Variants in SEMA3D observed in about 807,000 individuals in gnomAD.
SEMA3D encodes semaphorin 3D.
SEMA3D carries 84 observed loss-of-function variants against 100.1 expected under a neutral mutation model. That is an observed-to-expected ratio of 0.84 (90% confidence interval 0.70 to 1.01). The LOEUF is 1.01. Among genes scored for constraint, SEMA3D ranks in the 50% least tolerant of loss-of-function variants. The pLI, the probability that SEMA3D is intolerant of heterozygous loss-of-function variation, is 0.00. For missense variants in SEMA3D, 875 were observed against 934.1 expected (o/e 0.94, Z 0.82); for synonymous variants, 312 against 320.7 (o/e 0.97, Z 0.29).
At chr7:85,166,759 A>G (rs1790918271) in intron 1 of SEMA3D, among the ~76,000 whole-genome samples, 1 of 151,982 alleles carries the variant, frequency 6.6e-6, no homozygotes, top group South Asian at 2.1e-4. Flanking sequence ...TACTAGCCGT[A>G]TGGTGCTGAT....
rs1044789555 is a variant in SEMA3D, at chr7:85,037,177, G to A, written c.1047-144C>T. On this transcript the variant is annotated intron_variant, in intron 11 of 18. Coordinates refer to ENST00000284136, the MANE Select transcript of SEMA3D (RefSeq NM_001384900.1). ...GGTACTGTAGACACAATGTGCCTAC[G>A]TCCTCAAGTGGCTTACAGCCAAGCA... 95 of 648,714 alleles carry A rather than the reference G, an allele frequency of 1.5e-4. 1 individual carries two copies. The highest frequency in any genetic ancestry group is 3.9e-4 in the Middle Eastern group (1 of 2,532). 40.2% of individuals were successfully genotyped at this position (648,714 alleles called of 1,614,324 possible).
At chr7:85,046,756 C>T (rs1263884651) in intron 9 of SEMA3D, among the ~76,000 whole-genome samples, 1 of 151,946 alleles carries the variant, frequency 6.6e-6, no homozygotes, top group East Asian at 1.9e-4. Context: ...TGCATATCCA[C>T]ACAATCTCCT....
At chr7:85,233,757 T>TA in the SEMA3D span, among the ~76,000 whole-genome samples, 1 of 152,206 alleles carries the variant, frequency 6.6e-6, no homozygotes, top group Non-Finnish European at 1.5e-5. Context: ...CAAGCAAGAA[T>TA]AAAAACAGTA....
At chr7:85,064,429 CT>C (rs1243067342) in intron 8 of SEMA3D, among the ~76,000 whole-genome samples, 1 of 152,058 alleles carries the variant, frequency 6.6e-6, no homozygotes, top group African/African-American at 2.4e-5. Flanking sequence ...ATTAAGGGTA[CT>C]TTTTTTGGCT....
the SEMA3D span, among the ~76,000 whole-genome samples, chr7:85,200,889 G>T: frequency 2.0e-5 from 3 of 152,164 alleles, no homozygotes; most frequent in African/African-American, 7.2e-5. Flanking sequence ...TGGCTGAAAG[G>T]GGCCACAGTA....
chr7:85,050,475 A>G (rs1275420749), intron 9 of SEMA3D: 1 of 285,210 alleles, frequency 3.5e-6, no homozygotes, highest in Non-Finnish European at 6.5e-6. Flanking sequence ...AAAATAATTC[A>G]TTAGGAAATG....
chr7:85,115,535 G>A (rs1789214323), intron 3 of SEMA3D, among the ~76,000 whole-genome samples: 1 of 152,064 alleles, frequency 6.6e-6, no homozygotes, highest in Admixed American at 6.6e-5. Flanking sequence ...CCCTTTTTAT[G>A]TCTTCAATTC....
chr7:85,194,054 T>C, the SEMA3D span, among the ~76,000 whole-genome samples: 12 of 152,156 alleles, frequency 7.9e-5, no homozygotes, highest in Non-Finnish European at 1.5e-4. Context: ...ATAAGCTTTA[T>C]ACCATGCAAC....
chr7:85,044,995 T>C (rs1441279786), intron 9 of SEMA3D, among the ~76,000 whole-genome samples: 4 of 152,006 alleles, frequency 2.6e-5, no homozygotes, highest in Admixed American at 2.6e-4. Flanking sequence ...GAATAAAACA[T>C]AAAATTGAAA....
intron 2 of SEMA3D, chr7:85,143,437 G>A (rs1790111822): frequency 6.5e-6 from 1 of 153,666 alleles, no homozygotes; most frequent in Non-Finnish European, 1.4e-5. Context: ...AGACTATAGG[G>A]TATAGCCCAT....
the SEMA3D span, among the ~76,000 whole-genome samples, chr7:85,239,908 G>T: frequency 0.081 from 12,397 of 152,128 alleles, 1,279 homozygotes; most frequent in African/African-American, 0.24. Context: ...TTATTTTCCA[G>T]AAGTTATTTT....
At chr7:85,213,776 T>G in the SEMA3D span, among the ~76,000 whole-genome samples, 2 of 152,180 alleles carry the variant, frequency 1.3e-5, no homozygotes, top group Non-Finnish European at 2.9e-5. Flanking sequence ...GGTATTTGAT[T>G]AGTACTAAAA....
At chr7:85,081,659 T>C (rs1169811448) in intron 4 of SEMA3D, 80 bp from the exon 5 acceptor site, 2 of 900,410 alleles carry the variant, frequency 2.2e-6, no homozygotes, top group Non-Finnish European at 3.6e-6. Context: ...AGAGAGTGAA[T>C]GTGTGAAATT....
At chr7:85,168,813 A>AGAT (rs1359486746) in intron 1 of SEMA3D, among the ~76,000 whole-genome samples, 4,859 of 137,906 alleles carry the variant, frequency 0.035, 126 homozygotes, top group East Asian at 0.076. Flanking sequence ...AAAGAAAGAA[A>AGAT]GAAAGATGAA....
chr7:85,061,248 T>C (rs77154396), intron 8 of SEMA3D, among the ~76,000 whole-genome samples: 3,805 of 152,228 alleles, frequency 0.025, 159 homozygotes, highest in African/African-American at 0.086. Context: ...GATGGATTAG[T>C]ATCTTAAGGA....
At chr7:85,245,433 C>T in the SEMA3D span, among the ~76,000 whole-genome samples, 2 of 152,124 alleles carry the variant, frequency 1.3e-5, no homozygotes, top group African/African-American at 4.8e-5. Context: ...TAAGAACTAG[C>T]ACTATGAAAA....
At chr7:85,168,965 C>A (rs963961201) in intron 1 of SEMA3D, among the ~76,000 whole-genome samples, 10 of 151,282 alleles carry the variant, frequency 6.6e-5, no homozygotes, top group African/African-American at 2.2e-4. Context: ...CTCAGTTGTC[C>A]ATGTAAAATT....
the SEMA3D span, among the ~76,000 whole-genome samples, chr7:85,218,041 C>A: frequency 6.6e-6 from 1 of 152,196 alleles, no homozygotes; most frequent in South Asian, 2.1e-4. Context: ...TACTCCTGGT[C>A]ATGGCCGAGT....
intron 9 of SEMA3D, among the ~76,000 whole-genome samples, chr7:85,049,265 T>C (rs1191256991): frequency 6.6e-6 from 1 of 151,804 alleles, no homozygotes; most frequent in African/African-American, 2.4e-5. Flanking sequence ...CAATTTTTTT[T>C]TTCTGAAAAA....
Sources: allele counts gnomAD v4.1 joint callset (sites outside exome capture counted in the v4.1 genomes callset), GRCh38; gene constraint gnomAD v4.1.1; transcripts MANE v1.5; gene names NCBI Gene and HGNC (gene_info 2026-07-23, HGNC 2026-07-21).